CXCL13: variants seen among roughly 807,000 people sequenced by gnomAD.
The protein encoded by CXCL13 is C-X-C motif chemokine ligand 13.
A neutral mutation model predicts 12.2 loss-of-function variants in CXCL13; 7 were observed. That is an observed-to-expected ratio of 0.57 (90% CI 0.33 to 1.07). The LOEUF (loss-of-function observed/expected upper bound fraction) is 1.07, where lower values mean the gene tolerates loss of function less well. Among genes scored for constraint, CXCL13 ranks in the 50% least tolerant of loss-of-function variants. CXCL13 has a pLI of 0.04. For missense variants in CXCL13, 113 were observed against 127.4 expected (o/e 0.89, Z 0.55); for synonymous variants, 47 against 42.4 (o/e 1.11, Z -0.42).
intron 1 of CXCL13, among the ~76,000 whole-genome samples, chr4:77,572,488 G>T (rs983291108): frequency 1.3e-5 from 2 of 151,822 alleles, no homozygotes; most frequent in African/African-American, 4.9e-5. Flanking sequence ...ATGAAAAAAA[G>T]CTCAACATCA....
intron 1 of CXCL13, among the ~76,000 whole-genome samples, chr4:77,579,185 T>C (rs1247813800): frequency 6.6e-6 from 1 of 152,230 alleles, no homozygotes; most frequent in Admixed American, 6.5e-5. Context: ...AATGCCCCAC[T>C]GTCTCACTGA....
chr4:77,525,472 A>C (rs1465535294), intron 1 of CXCL13, among the ~76,000 whole-genome samples: 1 of 152,078 alleles, frequency 6.6e-6, no homozygotes, highest in Non-Finnish European at 1.5e-5. Flanking sequence ...TTTGTTTTTA[A>C]ACAGCATGTT....
At chr4:77,608,914 A>G (rs2903289) in intron 2 of CXCL13, among the ~76,000 whole-genome samples, 12,925 of 152,240 alleles carry the variant, frequency 0.085, 1,791 homozygotes, top group African/African-American at 0.29. Flanking sequence ...CCTGTCAACC[A>G]AGGAAGGTAA....
intron 2 of CXCL13, among the ~76,000 whole-genome samples, chr4:77,609,507 T>TG (rs1162541287): frequency 6.6e-6 from 1 of 151,916 alleles, no homozygotes; most frequent in Admixed American, 6.6e-5. Context: ...TCTGTAGAGA[T>TG]GGGGTCTCAT....
chr4:77,545,427 C>G (rs1725333306), intron 1 of CXCL13, among the ~76,000 whole-genome samples: 1 of 152,162 alleles, frequency 6.6e-6, no homozygotes, highest in East Asian at 1.9e-4. Context: ...TTTCCTTGAG[C>G]AGTGGTTTGT....
intron 1 of CXCL13, among the ~76,000 whole-genome samples, chr4:77,590,987 C>G (rs1186362638): frequency 1.3e-5 from 2 of 152,172 alleles, no homozygotes; most frequent in African/African-American, 4.8e-5. Context: ...TCAAGTGATT[C>G]TTGTGCCTCA....
chr4:77,580,945 A>G (rs1034883951), intron 1 of CXCL13, among the ~76,000 whole-genome samples: 1 of 149,126 alleles, frequency 6.7e-6, no homozygotes, highest in East Asian at 1.9e-4. Flanking sequence ...TCACTTCTTT[A>G]CTTGAAAACA....
chr4:77,610,790 A>G (rs921245199), intron 3 of CXCL13, 96 bp downstream of exon 3: 40 of 1,002,810 alleles, frequency 4.0e-5, no homozygotes, highest in Non-Finnish European at 9.5e-6. Flanking sequence ...TGAATTTATG[A>G]GAAGTTCCTA....
intron 1 of CXCL13, among the ~76,000 whole-genome samples, chr4:77,566,883 G>A (rs942196781): frequency 6.6e-6 from 1 of 152,056 alleles, no homozygotes. Context: ...GGTAATTTTG[G>A]GTGTCGGGCC....
chr4:77,529,906 G>T (rs1424206695), intron 1 of CXCL13, among the ~76,000 whole-genome samples: 2 of 152,206 alleles, frequency 1.3e-5, no homozygotes, highest in Non-Finnish European at 2.9e-5. Flanking sequence ...GATATTGGTT[G>T]TGAGTTTGTC....
At chr4:77,528,480 T>A (rs1302041090) in intron 1 of CXCL13, among the ~76,000 whole-genome samples, 1 of 152,222 alleles carries the variant, frequency 6.6e-6, no homozygotes, top group Non-Finnish European at 1.5e-5. Context: ...CTAAGTGGTG[T>A]GAGATGGTAT....
At chr4:77,528,211 C>T (rs1724815204) in intron 1 of CXCL13, among the ~76,000 whole-genome samples, 2 of 152,174 alleles carry the variant, frequency 1.3e-5, no homozygotes, top group Admixed American at 1.3e-4. Flanking sequence ...CAAGTCTTTG[C>T]TATTGTGAAT....
chr4:77,521,594 G>A (rs1724600990), intron 1 of CXCL13, among the ~76,000 whole-genome samples: 1 of 151,706 alleles, frequency 6.6e-6, no homozygotes, highest in Non-Finnish European at 1.5e-5. Context: ...GTGTCTATTT[G>A]TTTCTTCTTT....
At chr4:77,573,836 C>T (rs768752459) in intron 1 of CXCL13, among the ~76,000 whole-genome samples, 3 of 151,870 alleles carry the variant, frequency 2.0e-5, no homozygotes, top group Non-Finnish European at 4.4e-5. Context: ...CTTTTCCCCT[C>T]CATGGATAGC....
At chr4:77,512,030 G>A (rs1358545213) in intron 1 of CXCL13, among the ~76,000 whole-genome samples, 1 of 152,208 alleles carries the variant, frequency 6.6e-6, no homozygotes, top group Non-Finnish European at 1.5e-5. Flanking sequence ...AGGTAATGGA[G>A]AGAGGCCTTG....
At chr4:77,564,952 G>A (rs1384729788) in intron 1 of CXCL13, among the ~76,000 whole-genome samples, 1 of 152,208 alleles carries the variant, frequency 6.6e-6, no homozygotes, top group South Asian at 2.1e-4. Context: ...ACCTTGGGGA[G>A]CCCACACGGG....
At chr4:77,593,332 G>A (rs1726663266) in intron 1 of CXCL13, among the ~76,000 whole-genome samples, 1 of 152,226 alleles carries the variant, frequency 6.6e-6, no homozygotes, top group Admixed American at 6.5e-5. Context: ...TTTATGGTAA[G>A]AAGGAGCAGT....
chr4:77,540,955 G>C (rs145314993), intron 1 of CXCL13, among the ~76,000 whole-genome samples: 2 of 152,240 alleles, frequency 1.3e-5, no homozygotes, highest in African/African-American at 2.4e-5. Flanking sequence ...ATTCTGACTG[G>C]TGTGAGATGG....
chr4:77,516,540 G>A (rs571424098), intron 1 of CXCL13, among the ~76,000 whole-genome samples: 531 of 152,320 alleles, frequency 3.5e-3, no homozygotes, highest in Non-Finnish European at 5.9e-3. Flanking sequence ...TCTTGGGAGA[G>A]TGTATGTGTG....
Sources: gnomAD v4.1 joint callset for allele counts (sites outside exome capture counted in the v4.1 genomes callset) on GRCh38, gnomAD v4.1.1 for gene constraint, MANE v1.5 for transcripts, NCBI Gene and HGNC (gene_info 2026-07-23, HGNC 2026-07-21) for gene names.